KRABD2: variants seen among roughly 807,000 people sequenced by gnomAD.
The protein encoded by KRABD2 is KRAB domain-containing protein 2.
chr17:8,360,023 A>G, the KRABD2 span: 1 of 363,562 alleles, frequency 2.8e-6, no homozygotes, highest in Non-Finnish European at 5.5e-6. Context: ...ATCCCAGAGG[A>G]AAGGCTCACA....
the KRABD2 span, among the ~76,000 whole-genome samples, chr17:8,362,689 C>G: frequency 6.6e-6 from 1 of 152,180 alleles, no homozygotes; most frequent in Non-Finnish European, 1.5e-5. This position sits in a 1 kb window ranked among gnomAD's most constrained non-coding sequence, Gnocchi z 4.2. Flanking sequence ...GCTGGGGAGT[C>G]TCCTTTTAAG....
At chr17:8,369,228 G>A in the KRABD2 span, 1 of 1,614,156 alleles carries the variant, frequency 6.2e-7, no homozygotes, top group East Asian at 2.2e-5. Flanking sequence ...AGATCTGTCT[G>A]CTCCAATCTC....
the KRABD2 span, among the ~76,000 whole-genome samples, chr17:8,363,852 T>TATC: frequency 3.4e-5 from 3 of 89,176 alleles, no homozygotes; most frequent in Admixed American, 4.5e-4. Context: ...TATATATATA[T>TATC]ATATATATAT....
the KRABD2 span, chr17:8,369,448 G>A: frequency 4.3e-6 from 7 of 1,613,922 alleles, no homozygotes; most frequent in Non-Finnish European, 5.9e-6. Flanking sequence ...TGCATGAATC[G>A]GAGGCCTTTG....
the KRABD2 span, chr17:8,376,012 ATTGCCATC>A: frequency 8.1e-7 from 1 of 1,231,554 alleles, no homozygotes; most frequent in Non-Finnish European, 1.0e-6. Flanking sequence ...ACTTTAGCTG[ATTGCCATC>A]TCTCCTTCAT....
At chr17:8,371,221 AG>A in the KRABD2 span, 1 of 1,192,532 alleles carries the variant, frequency 8.4e-7, no homozygotes, top group Non-Finnish European at 1.2e-6. Context: ...TGGGGAATCG[AG>A]AAGAAAGCTG....
At chr17:8,366,480 T>C in the KRABD2 span, among the ~76,000 whole-genome samples, 1 of 152,232 alleles carries the variant, frequency 6.6e-6, no homozygotes, top group South Asian at 2.1e-4. Flanking sequence ...TAGGATATGT[T>C]TTTAAGTGCT....
the KRABD2 span, among the ~76,000 whole-genome samples, chr17:8,367,451 A>G: frequency 2.0e-5 from 3 of 151,742 alleles, no homozygotes; most frequent in East Asian, 2.0e-4. Flanking sequence ...GTGAGCCCAG[A>G]TCATGCCACT....
At chr17:8,370,113 A>G in the KRABD2 span, 1 of 1,614,086 alleles carries the variant, frequency 6.2e-7, no homozygotes, top group Non-Finnish European at 8.5e-7. Flanking sequence ...TGTGCCCTGT[A>G]CAGAGATCAC....
chr17:8,369,693 C>G, the KRABD2 span: 1 of 1,614,248 alleles, frequency 6.2e-7, no homozygotes, highest in Non-Finnish European at 8.5e-7. Context: ...TAACAAGACA[C>G]TGACCACCTC....
chr17:8,369,565 C>A, the KRABD2 span: 1 of 1,614,182 alleles, frequency 6.2e-7, no homozygotes, highest in African/African-American at 1.3e-5. Context: ...TGGTACTTAC[C>A]AGATACAATC....
chr17:8,369,497 TATC>T, the KRABD2 span: 1 of 1,614,026 alleles, frequency 6.2e-7, no homozygotes, highest in African/African-American at 1.3e-5. Context: ...TCCAGGTACT[TATC>T]ATGTTCTTTA....
At chr17:8,365,898 C>T in the KRABD2 span, among the ~76,000 whole-genome samples, 1 of 152,120 alleles carries the variant, frequency 6.6e-6, no homozygotes, top group South Asian at 2.1e-4. Context: ...GAGGCCAAGA[C>T]AGGCGGATCA....
chr17:8,363,855 ATATATATTTATT>A, the KRABD2 span, among the ~76,000 whole-genome samples: 170 of 67,746 alleles, frequency 2.5e-3, 4 homozygotes, highest in East Asian at 0.015. Flanking sequence ...ATATATATAT[ATATATATTTATT>A]TATTTATTTA....
At chr17:8,369,513 T>C in the KRABD2 span, 6 of 1,614,126 alleles carry the variant, frequency 3.7e-6, no homozygotes, top group South Asian at 6.6e-5. Context: ...GTTCTTTACA[T>C]CACGGCTTGC....
chr17:8,376,610 A>G, the KRABD2 span: 1 of 985,816 alleles, frequency 1.0e-6, no homozygotes, highest in Non-Finnish European at 1.2e-6. Context: ...TGGAGAAAAG[A>G]GCTGCAGACT....
At chr17:8,375,861 G>A in the KRABD2 span, 1 of 1,220,348 alleles carries the variant, frequency 8.2e-7, no homozygotes, top group South Asian at 4.3e-5. Flanking sequence ...AGAGAAAACT[G>A]GAAATATTTC....
the KRABD2 span, among the ~76,000 whole-genome samples, chr17:8,374,028 G>A: frequency 3.3e-5 from 5 of 150,394 alleles, no homozygotes; most frequent in Non-Finnish European, 7.4e-5. Flanking sequence ...CAGCCGCCCC[G>A]TCCGGGAGGG....
At chr17:8,365,421 A>C in the KRABD2 span, 1 of 152,230 alleles carries the variant, frequency 6.6e-6, no homozygotes, top group South Asian at 2.1e-4. Context: ...GTTACAAAGA[A>C]AGACAATGGG....
Sources: allele counts gnomAD v4.1 joint callset (sites outside exome capture counted in the v4.1 genomes callset), GRCh38; gene constraint gnomAD v4.1.1; non-coding constraint Gnocchi (gnomAD v3.1); transcripts MANE v1.5; gene names NCBI Gene and HGNC (gene_info 2026-07-23, HGNC 2026-07-21).